Variants in PRKG1 observed in about 807,000 individuals in gnomAD.
PRKG1 encodes the protein protein kinase cGMP-dependent 1, also known as cGMP-dependent protein kinase 1.
A neutral mutation model predicts 88.1 loss-of-function variants in PRKG1; 35 were observed. The observed-to-expected ratio is 0.40, with a 90% CI of 0.30 to 0.53. PRKG1 has a LOEUF of 0.53. Ranked by LOEUF, PRKG1 falls within the 20% of genes least tolerant of loss-of-function variation. The pLI is 0.59. For synonymous variants in PRKG1, 303 were observed against 292.5 expected, an observed-to-expected ratio of 1.04 and a Z score of -0.37; for missense variants, 540 against 839.8, an observed-to-expected ratio of 0.64 and a Z score of 4.41.
At chr10:51,693,609 C>G (rs546033724) in intron 3 of PRKG1, among the ~76,000 whole-genome samples, 13 of 151,964 alleles carry the variant, frequency 8.6e-5, no homozygotes, top group Non-Finnish European at 1.9e-4. Context: ...ACCACATTGG[C>G]CAGGCTGGTC....
intron 3 of PRKG1, among the ~76,000 whole-genome samples, chr10:51,616,039 A>G (rs894583960): frequency 6.6e-6 from 1 of 152,176 alleles, no homozygotes; most frequent in African/African-American, 2.4e-5. Flanking sequence ...GGGTGCATGC[A>G]GTAAAGTTGT....
intron 2 of PRKG1, among the ~76,000 whole-genome samples, chr10:51,345,912 G>C (rs1029577216): frequency 3.3e-4 from 51 of 152,262 alleles, no homozygotes; most frequent in African/African-American, 1.2e-3. Context: ...ATTCCAGCAG[G>C]AAAGTTATTG....
At chr10:51,678,852 C>T (rs756991496) in intron 3 of PRKG1, among the ~76,000 whole-genome samples, 1 of 152,088 alleles carries the variant, frequency 6.6e-6, no homozygotes, top group Non-Finnish European at 1.5e-5. Context: ...CACAAACTAC[C>T]CCAGGGGCTT....
intron 4 of PRKG1, among the ~76,000 whole-genome samples, chr10:51,825,636 C>T (rs1839864599): frequency 6.6e-6 from 1 of 152,102 alleles, no homozygotes; most frequent in African/African-American, 2.4e-5. Flanking sequence ...CCTGAGCTCC[C>T]CAAATTCTAG....
chr10:51,109,176 G>T (rs985650672), intron 1 of PRKG1, among the ~76,000 whole-genome samples: 2 of 151,940 alleles, frequency 1.3e-5, no homozygotes, highest in African/African-American at 4.8e-5. Context: ...TATAGTTTTA[G>T]GGCAATCCCA....
At chr10:51,891,215 G>T (rs1325541413) in intron 4 of PRKG1, among the ~76,000 whole-genome samples, 1 of 152,106 alleles carries the variant, frequency 6.6e-6, no homozygotes, top group Non-Finnish European at 1.5e-5. Flanking sequence ...AGTGAACTAT[G>T]ATCATACCAT....
At chr10:51,544,807 A>G (rs1470176271) in intron 3 of PRKG1, among the ~76,000 whole-genome samples, 1 of 152,280 alleles carries the variant, frequency 6.6e-6, no homozygotes, top group Admixed American at 6.5e-5. Flanking sequence ...AATATCCAGA[A>G]TCTACCAAGA....
At chr10:52,240,591 TG>T (rs1840834529) in intron 9 of PRKG1, among the ~76,000 whole-genome samples, 1 of 152,180 alleles carries the variant, frequency 6.6e-6, no homozygotes, top group Non-Finnish European at 1.5e-5. Flanking sequence ...CATAGAACAA[TG>T]CCAAATTTTG....
At chr10:51,870,569 G>T (rs1309172140) in intron 4 of PRKG1, among the ~76,000 whole-genome samples, 5 of 151,762 alleles carry the variant, frequency 3.3e-5, no homozygotes, top group Non-Finnish European at 5.9e-5. Flanking sequence ...CATCTTTCTT[G>T]TTCTATTATT....
At chr10:51,799,204 C>T (rs1448983096) in intron 3 of PRKG1, among the ~76,000 whole-genome samples, 2 of 152,036 alleles carry the variant, frequency 1.3e-5, no homozygotes, top group Non-Finnish European at 2.9e-5. Flanking sequence ...GTACTACTAG[C>T]AAAATCTTTC....
At chr10:51,445,291 T>A (rs1839238074) in intron 2 of PRKG1, among the ~76,000 whole-genome samples, 1 of 151,744 alleles carries the variant, frequency 6.6e-6, no homozygotes, top group Admixed American at 6.6e-5. Flanking sequence ...TAAAACAGAG[T>A]ATGTTTCTAA....
At chr10:51,260,259 T>C (rs546186830) in intron 2 of PRKG1, among the ~76,000 whole-genome samples, 1 of 152,346 alleles carries the variant, frequency 6.6e-6, no homozygotes, top group East Asian at 1.9e-4. Flanking sequence ...TTTATTAAAT[T>C]GCTATTCTGA....
intron 2 of PRKG1, among the ~76,000 whole-genome samples, chr10:51,165,853 G>T (rs192027274): frequency 6.6e-6 from 1 of 152,120 alleles, no homozygotes; most frequent in South Asian, 2.1e-4. Flanking sequence ...AATTGAGCAG[G>T]CTTCTTTAAA....
intron 2 of PRKG1, among the ~76,000 whole-genome samples, chr10:51,425,339 C>G (rs1838545350): frequency 6.6e-6 from 1 of 152,260 alleles, no homozygotes; most frequent in East Asian, 1.9e-4. Context: ...ACTCGGTAAT[C>G]AATGTTTTGT....
chr10:52,020,407 A>G (rs974864657), intron 5 of PRKG1, among the ~76,000 whole-genome samples: 3 of 152,182 alleles, frequency 2.0e-5, no homozygotes, highest in East Asian at 3.9e-4. Flanking sequence ...CAGCAACTCC[A>G]TAAGAGTCTA....
chr10:51,103,214 T>C (rs775296580), intron 1 of PRKG1, among the ~76,000 whole-genome samples: 3 of 151,968 alleles, frequency 2.0e-5, no homozygotes, highest in Non-Finnish European at 4.4e-5. Context: ...AAGGGGGTCA[T>C]TAAAGAAAAA....
chr10:51,682,275 A>G (rs895461711), intron 3 of PRKG1, among the ~76,000 whole-genome samples: 1 of 152,208 alleles, frequency 6.6e-6, no homozygotes, highest in Non-Finnish European at 1.5e-5. Context: ...TTTGCTAAAT[A>G]AAGAAATACG....
chr10:51,477,659 A>T (rs1840237152), intron 3 of PRKG1, among the ~76,000 whole-genome samples: 1 of 152,066 alleles, frequency 6.6e-6, no homozygotes, highest in African/African-American at 2.4e-5. Flanking sequence ...GTAAACACTT[A>T]CTGTTCTGTA....
intron 9 of PRKG1, among the ~76,000 whole-genome samples, chr10:52,162,293 T>C (rs1037768847): frequency 2.6e-5 from 4 of 152,142 alleles, no homozygotes; most frequent in Admixed American, 2.0e-4. Flanking sequence ...TTGTGTTCCA[T>C]AGTTGCTTGT....
Sources: gnomAD v4.1 joint callset for allele counts (sites outside exome capture counted in the v4.1 genomes callset) on GRCh38, gnomAD v4.1.1 for gene constraint, MANE v1.5 for transcripts, NCBI Gene and HGNC (gene_info 2026-07-23, HGNC 2026-07-21) for gene names.